The following PDE1B variants were observed in gnomAD, a reference collection of about 807,000 sequenced individuals.
The protein encoded by PDE1B is phosphodiesterase 1B, also known as dual specificity calcium/calmodulin-dependent 3',5'-cyclic nucleotide phosphodiesterase 1B.
In PDE1B, 13 loss-of-function variants were observed where a neutral mutation model predicts 66.7. That is an observed-to-expected ratio of 0.19 (90% CI 0.13 to 0.31). The LOEUF (loss-of-function observed/expected upper bound fraction) is 0.31. PDE1B is among the 10% of genes least tolerant of loss of function. The pLI is 1.00. For synonymous variants in PDE1B, 230 were observed against 253.9 expected, an observed-to-expected ratio of 0.91 and a Z score of 0.90; for missense variants, 485 against 682.3, an observed-to-expected ratio of 0.71 and a Z score of 3.22.
At chr12:54,560,112 A>T (rs1957386691) in intron 2 of PDE1B, among the ~76,000 whole-genome samples, 1 of 152,274 alleles carries the variant, frequency 6.6e-6, no homozygotes, top group Non-Finnish European at 1.5e-5. Context: ...CTTCACGGCT[A>T]CCAGGTGTTC....
Position 54,549,855 on chromosome 12 carries a change from C to G in PDE1B, c.-13-5C>G. 6.3e-7 allele frequency: 1 copy of G among 1,596,094 alleles called. No homozygotes were observed. The highest frequency in any genetic ancestry group is 8.6e-7 in the Non-Finnish European group (1 of 1,164,298). ...GAGGTGCTGTCTCCTCCTTCTGTTC[C>G]GTAGACCGTGGCTGAGCATGGAGCT... On this transcript the variant is annotated splice_polypyrimidine_tract_variant and splice_region_variant and intron_variant, in intron 1 of 15. Transcript: ENST00000243052.
rs752628230 is a variant in PDE1B, at chr12:54,572,700, A to G, written c.694A>G (p.Thr232Ala). The stretch of plus-strand genomic sequence containing the variant: ...CAACCAGATCCACGCAGCCGATGTT[A>G]CCCAGACAGTCCATTGCTTCTTGCT... The part of the protein sequence containing the change: ...YHNQIHAADV[T>A]QTVHCFLLRT... The change falls in exon 7 of 16, where the codon ACC (threonine) becomes GCC (alanine). Residue 232 changes from threonine to alanine, a missense_variant. Thr to Ala is a moderately conservative substitution (Grantham distance 58). Transcript: ENST00000243052. The G allele has an allele frequency of 6.2e-7, 1 of 1,614,164 alleles. No homozygotes were observed. The highest frequency in any genetic ancestry group is 8.5e-7 in the Non-Finnish European group (1 of 1,180,000).
chr12:54,551,723 ATTG>A (rs906344118), intron 2 of PDE1B, among the ~76,000 whole-genome samples: 2 of 152,172 alleles, frequency 1.3e-5, no homozygotes, highest in Non-Finnish European at 2.9e-5. Flanking sequence ...CTGAAAATGA[ATTG>A]TTGTTTCTTC....
chr12:54,565,956 G>A (rs896296753), intron 2 of PDE1B, among the ~76,000 whole-genome samples: 1 of 152,188 alleles, frequency 6.6e-6, no homozygotes, highest in Non-Finnish European at 1.5e-5. Flanking sequence ...TCTCAGTGGG[G>A]AATTATGATG....
In PDE1B at chr12:54,573,976, A is replaced by C. The variant is rs1419367112; in HGVS notation, c.1064+267A>C. On this transcript the variant is annotated intron_variant, in intron 10 of 15. Coordinates refer to ENST00000243052, the MANE Select transcript of PDE1B (RefSeq NM_000924.4). This position sits in a 1 kb window ranked among gnomAD's most constrained non-coding sequence, Gnocchi z 5.2. ...GAGAGTGCTTTGGGCTGGGAATCTAAGATGGGGGTTCTCATCGTAGCTCTG... is the reference window on the plus strand; with the variant it reads ...GAGAGTGCTTTGGGCTGGGAATCTACGATGGGGGTTCTCATCGTAGCTCTG... The C allele has an allele frequency of 2.1e-6, 1 of 482,958 alleles. No homozygotes were observed. Among genetic ancestry groups the C allele is most frequent in the Non-Finnish European group, 3.7e-6 (1 of 269,002 alleles). 29.9% of individuals were successfully genotyped at this position (482,958 alleles called of 1,614,324 possible).
intron 2 of PDE1B, among the ~76,000 whole-genome samples, chr12:54,550,957 T>C (rs1012108904): frequency 1.3e-5 from 2 of 152,230 alleles, no homozygotes; most frequent in African/African-American, 4.8e-5. Flanking sequence ...CTCCGCAGTC[T>C]GTTGATTCTT....
chr12:54,572,500 A>G (rs1957633724), intron 6 of PDE1B, 101 bp from the exon 7 acceptor site: 2 of 1,134,504 alleles, frequency 1.8e-6, no homozygotes, highest in South Asian at 2.7e-5. Context: ...CTCTCTCCCT[A>G]TGCCACACTG....
rs1957721108 is a variant in PDE1B, at chr12:54,575,490, C to T, written c.1186-61C>T. 1.6e-6 allele frequency: 2 copies of T among 1,214,054 alleles called. No individual in the cohort carries two copies. Among genetic ancestry groups the T allele is most frequent in the Non-Finnish European group, 2.5e-6 (2 of 816,174 alleles). 75.2% of individuals were successfully genotyped at this position (1,214,054 alleles called of 1,614,324 possible). ...CCACCCCCACCACTTGCCACCTGTA[C>T]CCCAGATCTGGTAGGTCTGAGGTAT... On this transcript the variant is annotated intron_variant, in intron 11 of 15. Coordinates refer to ENST00000243052, the MANE Select transcript of PDE1B (RefSeq NM_000924.4). The surrounding 1 kb of genome is among the most constrained non-coding windows in gnomAD (Gnocchi z 4.0).
At chr12:54,550,609 G>GA (rs1233226643) in intron 2 of PDE1B, among the ~76,000 whole-genome samples, 6 of 49,652 alleles carry the variant, frequency 1.2e-4, no homozygotes, top group Non-Finnish European at 3.6e-4. Context: ...GTGGAATCTG[G>GA]AGGGGGGGTT....
rs1379068856 is a variant in PDE1B, at chr12:54,575,370, A to G, written c.1185+152A>G. On this transcript the variant is annotated intron_variant, in intron 11 of 15. Coordinates refer to ENST00000243052, the MANE Select transcript of PDE1B (RefSeq NM_000924.4). This position sits in a 1 kb window ranked among gnomAD's most constrained non-coding sequence, Gnocchi z 4.0. The stretch of plus-strand genomic sequence containing the variant: ...CTTGGGGTAAAACCCCATTATCCTA[A>G]AAGCCTAACAATAGTTGCATTTCAT... 5.1e-6 allele frequency: 4 copies of G among 785,846 alleles called. No individual in the cohort carries two copies. The highest frequency in any genetic ancestry group is 8.8e-6 in the Non-Finnish European group (4 of 456,520). 48.7% of individuals were successfully genotyped at this position (785,846 alleles called of 1,614,324 possible).
At chr12:54,557,905 C>T (rs996370903) in intron 2 of PDE1B, among the ~76,000 whole-genome samples, 1 of 152,076 alleles carries the variant, frequency 6.6e-6, no homozygotes, top group Non-Finnish European at 1.5e-5. Flanking sequence ...GTTTGCCTTC[C>T]TCTGACCTTC....
In PDE1B at chr12:54,569,250, G is replaced by A. The variant is rs372746803; in HGVS notation, c.294G>A (p.Arg98=). 106 of 1,613,968 alleles carry A rather than the reference G, an allele frequency of 6.6e-5. No individual in the cohort carries two copies. In the East Asian group the frequency reaches 1.3e-3, roughly 20 times the overall value. The change falls in exon 4 of 16, where the codon CGG becomes CGA. Residue 98 remains arginine (R), a synonymous_variant. Transcript: ENST00000243052. This position sits in a 1 kb window ranked among gnomAD's most constrained non-coding sequence, Gnocchi z 4.4. ...CAGATGCCGTGCCTTCGGAGGTGCG[G>A]GACTGGCTGGCCTCCACCTTCACCC... The part of the protein sequence containing the change: ...LRSDAVPSEV[R]DWLASTFTQQ...
intron 2 of PDE1B, among the ~76,000 whole-genome samples, chr12:54,559,631 A>T (rs1957381544): frequency 6.6e-6 from 1 of 152,192 alleles, no homozygotes; most frequent in South Asian, 2.1e-4. Context: ...CCTGGGCTGA[A>T]GTGGTGAGCA....
chr12:54,560,365 T>G (rs561388641), intron 2 of PDE1B, among the ~76,000 whole-genome samples: 2 of 152,314 alleles, frequency 1.3e-5, no homozygotes, highest in East Asian at 3.9e-4. Flanking sequence ...TGTCTTCTCT[T>G]TTCCCTTTCT....
chr12:54,563,354 T>C (rs1957454081), intron 2 of PDE1B, among the ~76,000 whole-genome samples: 3 of 152,248 alleles, frequency 2.0e-5, no homozygotes, highest in Admixed American at 2.0e-4. Context: ...TTCCATTAGC[T>C]TGAGTTGTAG....
intron 2 of PDE1B, among the ~76,000 whole-genome samples, chr12:54,559,141 T>C (rs1476664980): frequency 4.6e-5 from 7 of 152,180 alleles, no homozygotes; most frequent in African/African-American, 1.7e-4. Flanking sequence ...TGGAATTAGA[T>C]GATTTCCTTG....
rs1957585361 is a variant in PDE1B, at chr12:54,569,809, C to T, written c.477+197C>T. 1.3e-5 allele frequency among the ~76,000 whole-genome samples: 2 copies of T among 151,878 alleles called. No homozygotes were observed. The highest frequency in any genetic ancestry group is 4.2e-4 in the South Asian group (2 of 4,810). On this transcript the variant is annotated intron_variant, in intron 5 of 15. Transcript: ENST00000243052. This position sits in a 1 kb window ranked among gnomAD's most constrained non-coding sequence, Gnocchi z 4.4. The stretch of plus-strand genomic sequence containing the variant: ...CCTCTGCCTCCCTGCAAGCGATTCT[C>T]CTGCCTCAGCCTCCTGAGTAGCTGG...
At position 54,569,681 on chromosome 12, in the gene PDE1B, C is replaced by G. The variant is rs1469937416; in HGVS notation, c.477+69C>G. On this transcript the variant is annotated intron_variant, in intron 5 of 15. Coordinates refer to ENST00000243052, the MANE Select transcript of PDE1B (RefSeq NM_000924.4). This position sits in a 1 kb window ranked among gnomAD's most constrained non-coding sequence, Gnocchi z 4.4. ...GAATAGCCACTGGGACTTCTAGACC[C>G]TGTTTATGGCATTATTTTTGCCTTC... The G allele has an allele frequency of 1.4e-5, 14 of 1,015,314 alleles. No individual in the cohort carries two copies. Among genetic ancestry groups the G allele is most frequent in the Non-Finnish European group, 1.5e-5 (10 of 654,130 alleles). 62.9% of individuals were successfully genotyped at this position (1,015,314 alleles called of 1,614,324 possible).
At chr12:54,577,423 GTGGA>G in intron 15 of PDE1B, 78 bp downstream of exon 15, 1 of 1,607,944 alleles carries the variant, frequency 6.2e-7, no homozygotes, top group East Asian at 2.2e-5. Context: ...CTGGGCTCCA[GTGGA>G]TGCGACATTC....
Sources: allele counts gnomAD v4.1 joint callset (sites outside exome capture counted in the v4.1 genomes callset), GRCh38; gene constraint gnomAD v4.1.1; non-coding constraint Gnocchi (gnomAD v3.1); transcripts MANE v1.5; gene names NCBI Gene and HGNC (gene_info 2026-07-23, HGNC 2026-07-21).